Variants in SCRIB observed in about 807,000 individuals in gnomAD.
SCRIB encodes protein scribble homolog.
A neutral mutation model predicts 170.0 loss-of-function variants in SCRIB; 72 were observed. The ratio of observed to expected loss-of-function variants is 0.42; its 90% confidence interval spans 0.35 to 0.52. The LOEUF (loss-of-function observed/expected upper bound fraction) is 0.52, where lower values mean the gene tolerates loss of function less well. SCRIB is among the 20% of genes least tolerant of loss of function. The pLI is 0.02. For synonymous variants in SCRIB, 1,298 were observed against 1,044.3 expected (o/e 1.24, Z -4.68); for missense variants, 2,475 against 2,338.5 (o/e 1.06, Z -1.20).
chr8:143,812,431 C>G (rs575846262), intron 8 of SCRIB, 47 bp from the exon 9 acceptor site: 1 of 1,419,528 alleles, frequency 7.0e-7, no homozygotes, highest in Non-Finnish European at 1.0e-6. Context: ...GGTCCCCAGA[C>G]GTGCCTTACC....
At chr8:143,798,210 C>T (rs781817512) in intron 24 of SCRIB, among the ~76,000 whole-genome samples, 6 of 151,700 alleles carry the variant, frequency 4.0e-5, no homozygotes, top group Non-Finnish European at 4.4e-5. Context: ...GAGCTGAGAT[C>T]GTGCCACTGC....
At chr8:143,796,057 G>A (rs1814929139) in intron 24 of SCRIB, among the ~76,000 whole-genome samples, 1 of 152,190 alleles carries the variant, frequency 6.6e-6, no homozygotes. Flanking sequence ...GCCAGAGACT[G>A]GCAGGGCGGA....
In SCRIB at chr8:143,815,540, G is replaced by A. The variant is rs1816053521; in HGVS notation, c.-168C>T. ...CCGCGGCCGGCGCTGGGCCCGGCCC[G>A]CGCTCGGAACGCTCGGACTGCGGGC... On this transcript the variant is annotated 5_prime_UTR_variant, in exon 1 of 37. Coordinates refer to ENST00000356994, the MANE Select transcript of SCRIB (RefSeq NM_182706.5). The A allele has an allele frequency of 2.0e-6, 2 of 981,082 alleles. No individual in the cohort carries two copies. Among genetic ancestry groups the A allele is most frequent in the South Asian group, 4.7e-5 (1 of 21,276 alleles). 60.8% of individuals were successfully genotyped at this position (981,082 alleles called of 1,614,324 possible). A position where few individuals can be genotyped will look rare whatever the true frequency, so the allele number is the denominator to read the frequency against.
chr8:143,802,563 C>T (rs546573235), intron 24 of SCRIB, among the ~76,000 whole-genome samples: 5 of 152,370 alleles, frequency 3.3e-5, no homozygotes, highest in South Asian at 2.1e-4. Context: ...CAGCCATGGG[C>T]GCTGGCCCTC....
At chr8:143,811,676 CCT>C (rs148623542) in intron 9 of SCRIB, among the ~76,000 whole-genome samples, 1,534 of 152,250 alleles carry the variant, frequency 0.01, 30 homozygotes, top group African/African-American at 0.035. Flanking sequence ...ACTGGTCTGC[CCT>C]GTCATCCCTA....
In SCRIB at chr8:143,809,816, C is replaced by T. The variant is rs1815623731; in HGVS notation, c.1531-98G>A. On this transcript the variant is annotated intron_variant, in intron 13 of 36. Coordinates refer to ENST00000356994, the MANE Select transcript of SCRIB (RefSeq NM_182706.5). ...CGTGGCAGGCCTTCCCTGAGCTTCC[C>T]GCTGCCCCGACCAGGCACCGTTAAC... 5.8e-6 allele frequency: 8 copies of T among 1,384,644 alleles called. No homozygotes were observed. The East Asian group carries it at 1.7e-4, about 29-fold the overall frequency. 85.8% of individuals were successfully genotyped at this position (1,384,644 alleles called of 1,614,324 possible). A position where few individuals can be genotyped will look rare whatever the true frequency, so the allele number is the denominator to read the frequency against.
rs780479313 is a variant in SCRIB, at chr8:143,813,730, G to A, written c.357-4C>T. 5 of 1,613,462 alleles carry A rather than the reference G, an allele frequency of 3.1e-6. No homozygotes were observed. The highest frequency in any genetic ancestry group is 1.7e-5 in the Admixed American group (1 of 60,020). On this transcript the variant is annotated splice_polypyrimidine_tract_variant and splice_region_variant and intron_variant, in intron 3 of 36. Transcript: ENST00000356994. ...CTGAGTGAAGCCATCAGGGAGCCTG[G>A]ATGGGAGGAAGCAGAGGCCCTCGGA...
intron 35 of SCRIB, 86 bp downstream of exon 35, chr8:143,791,580 G>A: frequency 2.0e-6 from 3 of 1,508,082 alleles, no homozygotes; most frequent in Non-Finnish European, 2.8e-6. Flanking sequence ...CCACGGCAGA[G>A]CGTGGGGAGG....
intron 8 of SCRIB, 36 bp downstream of exon 8, chr8:143,812,781 C>G: frequency 6.3e-7 from 1 of 1,588,532 alleles, no homozygotes; most frequent in Non-Finnish European, 8.5e-7. Flanking sequence ...GGCCAGGCTC[C>G]GTGTGCCCCA....
chr8:143,803,559 C>T lies in SCRIB; in HGVS notation c.3427G>A (p.Gly1143Arg). The change falls in exon 24 of 37, where the codon GGG becomes AGG. Residue 1143 changes from glycine to arginine, a missense_variant. Around this residue, in one of 3 missense-constraint regions of SCRIB, gnomAD observed 1,966 missense variants for 1,742.9 expected, o/e 1.13. Transcript: ENST00000356994. ...AGCCGACCGTCGCGCCCGGCTGCCC[C>T]CGTGGGGCTCACCTGTGGGGAGACG... ...GIFISKVSPT[G>R]AAGRDGRLRV... is the part of the protein sequence containing the mutation. 6.5e-7 allele frequency: 1 copy of T among 1,532,184 alleles called. No individual in the cohort carries two copies. Among genetic ancestry groups the T allele is most frequent in the Non-Finnish European group, 8.8e-7 (1 of 1,136,054 alleles). 94.9% of individuals were successfully genotyped at this position (1,532,184 alleles called of 1,614,324 possible).
At chr8:143,809,863 C>T (rs1401757493) in intron 13 of SCRIB, 145 bp from the exon 14 acceptor site, 12 of 921,340 alleles carry the variant, frequency 1.3e-5, no homozygotes, top group Middle Eastern at 3.3e-4. Context: ...CTCGCAGCTG[C>T]TCCCTGTCCC....
Position 143,791,905 on chromosome 8 carries a change from G to A in SCRIB, c.4666C>T (p.Pro1556Ser). 1 of 1,520,448 alleles carries A rather than the reference G, an allele frequency of 6.6e-7. No homozygotes were observed. Among genetic ancestry groups the A allele is most frequent in the Non-Finnish European group, 8.8e-7 (1 of 1,133,470 alleles). 94.2% of individuals were successfully genotyped at this position (1,520,448 alleles called of 1,614,324 possible). Residue 1556 changes from proline to serine, a missense_variant, in exon 34 of 37, where the codon CCC becomes TCC. Physicochemically the swap from Pro to Ser is moderately conservative, Grantham distance 74. Transcript: ENST00000356994. ...CGTCCCGGGGAGGTGCTGGTCTGGG[G>A]GCCGAGGTCTGGGGGGACAAGAAGC... The part of the protein sequence containing the change: ...PSPTPVEDLG[P>S]QTSTSPGRLP...
intron 10 of SCRIB, 33 bp downstream of exon 10, chr8:143,811,113 C>T (rs985195443): frequency 6.2e-6 from 10 of 1,602,544 alleles, no homozygotes; most frequent in Admixed American, 5.1e-5. Flanking sequence ...GTTGGGGCCA[C>T]GGTTAGGCCC....
Position 143,792,490 on chromosome 8 carries a change from G to A in SCRIB, c.4323C>T (p.Thr1441=). The A allele has an allele frequency of 1.3e-6, 2 of 1,542,754 alleles. No homozygotes were observed. The highest frequency in any genetic ancestry group is 1.7e-6 in the Non-Finnish European group (2 of 1,149,554). Reference sequence around the variant, plus strand: ...TCTGGTGGGCGGGTGCTCACCTTGAGGTGGGGCTCGGGCTGGCCCAGGGTG... The same window carrying A: ...TCTGGTGGGCGGGTGCTCACCTTGAAGTGGGGCTCGGGCTGGCCCAGGGTG... The part of the protein sequence containing the change: ...EQPPWASPSP[T]SRQSPASPPP... The change falls in exon 31 of 37, where the codon ACC becomes ACT. Residue 1441 remains threonine, a synonymous_variant. Transcript: ENST00000356994.
intron 14 of SCRIB, among the ~76,000 whole-genome samples, chr8:143,809,226 C>T (rs1056367322): frequency 1.6e-4 from 25 of 152,068 alleles, no homozygotes; most frequent in Admixed American, 1.1e-3. Flanking sequence ...AGACACGCAG[C>T]GCCCCAGGTG....
chr8:143,809,062 G>C (rs773415040), intron 14 of SCRIB, 37 bp from the exon 15 acceptor site: 1 of 1,574,970 alleles, frequency 6.3e-7, no homozygotes, highest in South Asian at 1.2e-5. Flanking sequence ...CCCCAGCTCT[G>C]TGGCTGTGCT....
In SCRIB at chr8:143,793,027, C is replaced by T; in HGVS notation, c.3966G>A (p.Arg1322=). ...ELPANVKQAY[R]AFAAVPTSHP... is the part of the protein sequence containing the mutation. ...GAGAAGTGGGCACGGCCGCGAAGGCCCTGTAGGCCTGCTTCACATTGGCGG... is the reference window on the plus strand; with the variant it reads ...GAGAAGTGGGCACGGCCGCGAAGGCTCTGTAGGCCTGCTTCACATTGGCGG... Residue 1322 remains arginine (R), a synonymous_variant, in exon 29 of 37, where the codon AGG becomes AGA. Coordinates refer to ENST00000356994, the MANE Select transcript of SCRIB (RefSeq NM_182706.5). The T allele has an allele frequency of 3.3e-6, 5 of 1,511,142 alleles. No homozygotes were observed. The highest frequency in any genetic ancestry group is 3.5e-6 in the Non-Finnish European group (4 of 1,128,140). The allele number at this position is 1,511,142 out of a possible 1,614,324, so 93.6% of individuals were successfully genotyped here. A position where few individuals can be genotyped will look rare whatever the true frequency, so the allele number is the denominator to read the frequency against.
chr8:143,804,124 C>T lies in SCRIB; in HGVS notation c.3042G>A (p.Leu1014=), dbSNP rs782768474. The change falls in exon 22 of 37, where the codon CTG becomes CTA. Residue 1014 remains leucine, a synonymous_variant. Transcript: ENST00000356994. ...CGGAGCCTCCGACAATACTAAGCCC[C>T]AGAGGGCCCCCAGCTCTTGGCAGAC... ...EIRLPRAGGP[L]GLSIVGGSDH... is the part of the protein sequence containing the mutation. 1 of 1,612,448 alleles carries T rather than the reference C, an allele frequency of 6.2e-7. No individual in the cohort carries two copies. Among genetic ancestry groups the T allele is most frequent in the Admixed American group, 1.7e-5 (1 of 59,908 alleles).
At chr8:143,796,641 G>A (rs143701561) in intron 24 of SCRIB, among the ~76,000 whole-genome samples, 80 of 152,306 alleles carry the variant, frequency 5.3e-4, no homozygotes, top group Non-Finnish European at 2.2e-4. Flanking sequence ...AGAAAGCAAA[G>A]ACTAGAAACG....
Sources: allele counts gnomAD v4.1 joint callset (sites outside exome capture counted in the v4.1 genomes callset), GRCh38; gene constraint gnomAD v4.1.1; regional missense constraint gnomAD v4.1.1; transcripts MANE v1.5; gene names NCBI Gene and HGNC (gene_info 2026-07-23, HGNC 2026-07-21).